Variants in GALNT17 observed in about 807,000 individuals in gnomAD.
GALNT17 encodes the protein polypeptide N-acetylgalactosaminyltransferase 17.
Under a neutral mutation model 63.7 loss-of-function variants are expected in GALNT17, and 29 were observed. The ratio of observed to expected loss-of-function variants is 0.46; its 90% CI spans 0.34 to 0.62. The LOEUF is 0.62. Among genes scored for constraint, GALNT17 ranks in the 20% least tolerant of loss-of-function variants. GALNT17 has a pLI of 0.01. For missense variants in GALNT17, 603 were observed against 799.6 expected, an observed-to-expected ratio of 0.75 and a Z score of 2.97; for synonymous variants, 305 against 318.3, an observed-to-expected ratio of 0.96 and a Z score of 0.45.
rs188409930 is a variant in GALNT17, at chr7:71,403,889, C to A, written c.590-12000C>A. ...TTGGCTATTTCAAGGAAGAGATTCG[C>A]CAGCTTCTGAGCATTTGGAATCAAT... On this transcript the variant is annotated intron_variant, in intron 3 of 10. Transcript: ENST00000333538. Among the ~76,000 whole-genome samples, 38 of 152,274 alleles carry A rather than the reference C, an allele frequency of 2.5e-4. 4 individuals carry two copies. In the East Asian group the frequency reaches 2.9e-3, roughly 12 times the overall value.
At chr7:71,694,921 G>A (rs1016580773) in intron 9 of GALNT17, among the ~76,000 whole-genome samples, 2 of 152,232 alleles carry the variant, frequency 1.3e-5, no homozygotes, top group Admixed American at 1.3e-4. Flanking sequence ...GGTACAGAAA[G>A]CCAGTGCTTG....
At chr7:71,362,448 T>C (rs1178576065) in intron 2 of GALNT17, among the ~76,000 whole-genome samples, 6 of 152,072 alleles carry the variant, frequency 3.9e-5, no homozygotes, top group African/African-American at 1.4e-4. Flanking sequence ...GAAAACAAAA[T>C]TCTCCTAAAT....
intron 1 of GALNT17, among the ~76,000 whole-genome samples, chr7:71,275,850 C>G (rs930748096): frequency 2.6e-5 from 4 of 152,142 alleles, no homozygotes; most frequent in African/African-American, 9.7e-5. Context: ...TGGCCCAGTT[C>G]TTTGTCCTGA....
chr7:71,315,195 A>G (rs1182701383), intron 1 of GALNT17, among the ~76,000 whole-genome samples: 1 of 152,208 alleles, frequency 6.6e-6, no homozygotes, highest in African/African-American at 2.4e-5. Flanking sequence ...TGTAGCATCT[A>G]TCGGTACTTC....
At chr7:71,579,997 T>C (rs569392184) in intron 6 of GALNT17, among the ~76,000 whole-genome samples, 1 of 151,606 alleles carries the variant, frequency 6.6e-6, no homozygotes, top group Non-Finnish European at 1.5e-5. Flanking sequence ...ATGATAGAGA[T>C]AGTAGGTAAT....
intron 3 of GALNT17, among the ~76,000 whole-genome samples, chr7:71,405,385 G>T (rs770838136): frequency 1.4e-4 from 22 of 152,058 alleles, no homozygotes; most frequent in Non-Finnish European, 2.4e-4. Flanking sequence ...CCAGCACTTT[G>T]GGAGGCTGAG....
intron 6 of GALNT17, among the ~76,000 whole-genome samples, chr7:71,584,936 A>G (rs541773952): frequency 5.9e-5 from 9 of 152,224 alleles, no homozygotes; most frequent in African/African-American, 2.2e-4. Context: ...TTGTATTTTT[A>G]GTAGAGACGG....
chr7:71,155,472 C>T (rs1016078146), intron 1 of GALNT17, among the ~76,000 whole-genome samples: 2 of 151,654 alleles, frequency 1.3e-5, no homozygotes, highest in South Asian at 4.2e-4. Context: ...GAGGGTTTCG[C>T]CATGTTGCCC....
intron 5 of GALNT17, among the ~76,000 whole-genome samples, chr7:71,482,391 C>CAA (rs1787836388): frequency 6.6e-6 from 1 of 152,172 alleles, no homozygotes; most frequent in Non-Finnish European, 1.5e-5. Context: ...CTCATGTGAT[C>CAA]TGCCTGCCTC....
chr7:71,423,999 T>C (rs58911573), intron 5 of GALNT17, among the ~76,000 whole-genome samples: 2,943 of 152,286 alleles, frequency 0.019, 96 homozygotes, highest in African/African-American at 0.066. Context: ...AAAATAGCCT[T>C]TGAGTAGAGC....
At chr7:71,296,773 TATG>T (rs1791088720) in intron 1 of GALNT17, among the ~76,000 whole-genome samples, 1 of 151,998 alleles carries the variant, frequency 6.6e-6, no homozygotes, top group South Asian at 2.1e-4. Flanking sequence ...GTAAGTAAAG[TATG>T]ATATTTAATA....
chr7:71,423,740 T>C (rs1255649416), intron 5 of GALNT17, among the ~76,000 whole-genome samples: 3 of 151,828 alleles, frequency 2.0e-5, no homozygotes, highest in African/African-American at 7.3e-5. Context: ...ATAGCCAGAC[T>C]GTGTCTCCAC....
rs192939705 is a variant in GALNT17 at position 71,654,163 on chromosome 7, C to T, written c.1081-11248C>T. ...TCTGATTAGCTGGGATTACAAGCAC[C>T]TGCCACCACGCCCAGCTAATTTTTT... is the stretch of plus-strand genomic sequence containing the variant. On this transcript the variant is annotated intron_variant, in intron 6 of 10. Transcript: ENST00000333538. Among the ~76,000 whole-genome samples the T allele has an allele frequency of 9.9e-5, 15 of 152,084 alleles. No homozygotes were observed. The East Asian group carries it at 2.7e-3, about 28-fold the overall frequency.
At chr7:71,305,061 GT>G (rs1415914978) in intron 1 of GALNT17, among the ~76,000 whole-genome samples, 2 of 152,198 alleles carry the variant, frequency 1.3e-5, no homozygotes, top group Non-Finnish European at 2.9e-5. Context: ...AATTCTTTCT[GT>G]GTAAGGAGAT....
At chr7:71,254,565 A>T (rs777938765) in intron 1 of GALNT17, among the ~76,000 whole-genome samples, 3 of 152,152 alleles carry the variant, frequency 2.0e-5, no homozygotes, top group Non-Finnish European at 4.4e-5. Context: ...TTTACTTTTA[A>T]TGCTGGTCAC....
At chr7:71,654,772 T>A (rs1193812571) in intron 6 of GALNT17, among the ~76,000 whole-genome samples, 1 of 152,170 alleles carries the variant, frequency 6.6e-6, no homozygotes, top group African/African-American at 2.4e-5. Context: ...GGGAGGGTTT[T>A]ATTTTATATT....
intron 1 of GALNT17, among the ~76,000 whole-genome samples, chr7:71,183,341 A>T (rs1340397262): frequency 6.6e-6 from 1 of 152,064 alleles, no homozygotes; most frequent in Non-Finnish European, 1.5e-5. Context: ...GAGCCCACTG[A>T]TCTTGGCCTG....
intron 5 of GALNT17, among the ~76,000 whole-genome samples, chr7:71,503,802 T>C (rs1788220243): frequency 6.6e-6 from 1 of 152,062 alleles, no homozygotes; most frequent in African/African-American, 2.4e-5. Context: ...AATACATAAA[T>C]ACGTTAATAA....
intron 1 of GALNT17, among the ~76,000 whole-genome samples, chr7:71,278,912 T>G (rs2115741119): frequency 6.6e-6 from 1 of 151,028 alleles, no homozygotes; most frequent in Non-Finnish European, 1.5e-5. Context: ...CTTTTTCCTC[T>G]TTTTCTTCTT....
Sources: allele counts gnomAD v4.1 joint callset (sites outside exome capture counted in the v4.1 genomes callset), GRCh38; gene constraint gnomAD v4.1.1; transcripts MANE v1.5; gene names NCBI Gene and HGNC (gene_info 2026-07-23, HGNC 2026-07-21).